CXCR6: variants seen among roughly 807,000 people sequenced by gnomAD.
CXCR6 encodes C-X-C motif chemokine receptor 6.
A neutral mutation model predicts 1.6 loss-of-function variants in CXCR6; 3 were observed. The ratio of observed to expected loss-of-function variants is 1.83; its 90% CI spans 0.83 to 4.72. The LOEUF (loss-of-function observed/expected upper bound fraction) is 4.72. Ranked by LOEUF, CXCR6 falls within the 30% of genes most tolerant of loss-of-function variation. The pLI is 0.02. For synonymous variants in CXCR6, 171 were observed against 159.2 expected (o/e 1.07, Z -0.56); for missense variants, 326 against 414.8 (o/e 0.79, Z 1.86).
Position 45,947,527 on chromosome 3 carries a change from G to C in CXCR6, c.*17G>C. On this transcript the variant is annotated 3_prime_UTR_variant, in exon 2 of 2. Coordinates refer to ENST00000304552, the MANE Select transcript of CXCR6 (RefSeq NM_006564.2). ...CAGTTATAGGCCTTGCCAGGGTTTC[G>C]AGAAGCTGCTCTGGAATTTGCAAGT... is the stretch of plus-strand genomic sequence containing the variant. 1 of 1,600,134 alleles carries C rather than the reference G, an allele frequency of 6.2e-7. No homozygotes were observed. Among genetic ancestry groups the C allele is most frequent in the South Asian group, 1.1e-5 (1 of 90,392 alleles).
chr3:45,947,782 G>T lies in CXCR6; in HGVS notation c.*272G>T, dbSNP rs753559060. 2 of 451,730 alleles carry T rather than the reference G, an allele frequency of 4.4e-6. No individual in the cohort carries two copies. Among genetic ancestry groups the T allele is most frequent in the Non-Finnish European group, 4.1e-6 (1 of 241,976 alleles). 28.0% of individuals were successfully genotyped at this position (451,730 alleles called of 1,614,324 possible). A position where few individuals can be genotyped will look rare whatever the true frequency, so the allele number is the denominator to read the frequency against. On this transcript the variant is annotated 3_prime_UTR_variant, in exon 2 of 2. Transcript: ENST00000304552. ...ATGCTGAAACCAAGGGGGATGACAT[G>T]TGACTCCTATGATCTCAGGTTCTCC...
Position 45,946,825 on chromosome 3 carries a change from C to A in CXCR6, c.344C>A (p.Thr115Lys). Residue 115 changes from threonine (T) to lysine (K), a missense_variant, in exon 2 of 2, where the codon ACG becomes AAG. Physicochemically the swap from Thr to Lys is moderately conservative, Grantham distance 78. Transcript: ENST00000304552. Reference protein sequence around the residue: ...LLGIYTINFYTSMLILTCITV... With the variant: ...LLGIYTINFYKSMLILTCITV... ...GGCATCTACACTATTAACTTCTACACGTCCATGCTCATCCTCACCTGCATC... is the reference window on the plus strand; with the variant it reads ...GGCATCTACACTATTAACTTCTACAAGTCCATGCTCATCCTCACCTGCATC... The A allele has an allele frequency of 6.2e-7, 1 of 1,614,200 alleles. No individual in the cohort carries two copies. Among genetic ancestry groups the A allele is most frequent in the Middle Eastern group, 1.6e-4 (1 of 6,062 alleles).
intron 1 of CXCR6, among the ~76,000 whole-genome samples, chr3:45,944,423 T>C (rs924146580): frequency 1.3e-5 from 2 of 152,224 alleles, no homozygotes; most frequent in Non-Finnish European, 2.9e-5. Flanking sequence ...TTTTCCAAAA[T>C]CAGTAAAAAT....
In CXCR6 at chr3:45,947,722, A is replaced by C. The variant is rs1006941198; in HGVS notation, c.*212A>C. ...CTGAAAGCCCAAGTAGGGGGTCTAAAATTTTTAAGGACTTTCCTTCCTCCA... is the reference window on the plus strand; with the variant it reads ...CTGAAAGCCCAAGTAGGGGGTCTAACATTTTTAAGGACTTTCCTTCCTCCA... On this transcript the variant is annotated 3_prime_UTR_variant, in exon 2 of 2. Coordinates refer to ENST00000304552, the MANE Select transcript of CXCR6 (RefSeq NM_006564.2). 3.6e-6 allele frequency: 2 copies of C among 558,696 alleles called. No individual in the cohort carries two copies. Among genetic ancestry groups the C allele is most frequent in the African/African-American group, 3.8e-5 (2 of 53,104 alleles). The allele number at this position is 558,696 out of a possible 1,614,324, so 34.6% of individuals were successfully genotyped here.
At chr3:45,943,315 G>C (rs1575342172), upstream of CXCR6, among the ~76,000 whole-genome samples, 1 of 152,292 alleles carries the variant, frequency 6.6e-6, no homozygotes, top group East Asian at 1.9e-4. Context: ...GGAGTGTGGG[G>C]TATCAGTCAC....
upstream of CXCR6, among the ~76,000 whole-genome samples, chr3:45,942,536 A>G (rs1226359629): frequency 2.6e-5 from 4 of 152,118 alleles, no homozygotes; most frequent in African/African-American, 9.7e-5. Flanking sequence ...CAGGCCAGGC[A>G]CCTCCACAAG....
chr3:45,942,280 C>T (rs1704275129), upstream of CXCR6, among the ~76,000 whole-genome samples: 1 of 152,228 alleles, frequency 6.6e-6, no homozygotes. Context: ...TCTCTCTAAT[C>T]TTCTGTTTGC....
intron 1 of CXCR6, among the ~76,000 whole-genome samples, chr3:45,943,939 A>G (rs1463268755): frequency 6.6e-6 from 1 of 152,232 alleles, no homozygotes; most frequent in Non-Finnish European, 1.5e-5. Context: ...TTCAATATAA[A>G]TCAACATACT....
chr3:45,947,046 A>G lies in CXCR6; in HGVS notation c.565A>G (p.Thr189Ala), dbSNP rs1704661744. ...ICGYHDEAISTVVLATQMTLG... is the reference protein window; with the variant it reads ...ICGYHDEAISAVVLATQMTLG... ...TGGTTACCATGACGAGGCAATTTCC[A>G]CTGTGGTTCTTGCCACCCAGATGAC... The change falls in exon 2 of 2, where the codon ACT (threonine) becomes GCT (alanine). Residue 189 changes from threonine to alanine, a missense_variant. Physicochemically the swap from Thr to Ala is moderately conservative, Grantham distance 58. Transcript: ENST00000304552. 4 of 1,613,992 alleles carry G rather than the reference A, an allele frequency of 2.5e-6. No homozygotes were observed. The South Asian group carries it at 4.4e-5, about 18-fold the overall frequency.
chr3:45,947,115 TCA>T lies in CXCR6; in HGVS notation c.635_636del (p.Ser212CysfsTer72), dbSNP rs1306109621. 17 of 1,614,118 alleles carry T rather than the reference TCA, an allele frequency of 1.1e-5. No homozygotes were observed. The highest frequency in any genetic ancestry group is 1.4e-5 in the Non-Finnish European group (16 of 1,180,042). On this transcript the variant is annotated frameshift_variant, in exon 2 of 2. Coordinates refer to ENST00000304552, the MANE Select transcript of CXCR6 (RefSeq NM_006564.2). LOFTEE classifies it low-confidence loss of function (END_TRUNC). ...LPLLTMIVCY[S>X]VIIKTLLHAG... ...ACTGCTCACCATGATTGTCTGCTAT[TCA>T]GTCATAATCAAAACACTGCTTCATG...
At chr3:45,945,870 A>G (rs1704560822) in intron 1 of CXCR6, 1 of 152,360 alleles carries the variant, frequency 6.6e-6, no homozygotes, top group Non-Finnish European at 1.5e-5. Flanking sequence ...GAGGGGAAGT[A>G]AAGGCAGGAA....
Position 45,947,192 on chromosome 3 carries a change from G to A in CXCR6, c.711G>A (p.Met237Ile), listed in dbSNP as rs755656707. ...HRSLKIIFLV[M>I]AVFLLTQMPF... ...CTCTAAAGATCATCTTCCTGGTGAT[G>A]GCTGTGTTCCTGCTGACCCAGATGC... Residue 237 changes from methionine (M) to isoleucine (I), a missense_variant, in exon 2 of 2, where the codon ATG becomes ATA. Physicochemically the swap from Met to Ile is conservative, Grantham distance 10 (BLOSUM62 1). Transcript: ENST00000304552. 6.2e-7 allele frequency: 1 copy of A among 1,614,176 alleles called. No individual in the cohort carries two copies. The highest frequency in any genetic ancestry group is 1.3e-5 in the African/African-American group (1 of 75,046).
rs748198143 is a variant in CXCR6, at chr3:45,947,247, A to G, written c.766A>G (p.Thr256Ala). The G allele has an allele frequency of 5.6e-6, 9 of 1,614,056 alleles. No homozygotes were observed. In the East Asian group the frequency reaches 2.0e-4, roughly 36 times the overall value. ...PFNLMKFIRS[T>A]HWEYYAMTSF... ...CAACCTCATGAAGTTCATCCGCAGCACACACTGGGAATACTATGCCATGAC... is the reference window on the plus strand; with the variant it reads ...CAACCTCATGAAGTTCATCCGCAGCGCACACTGGGAATACTATGCCATGAC... The change falls in exon 2 of 2, where the codon ACA (threonine) becomes GCA (alanine). Residue 256 changes from threonine (T) to alanine (A), a missense_variant. Physicochemically the swap from Thr to Ala is moderately conservative, Grantham distance 58. Transcript: ENST00000304552.
intron 1 of CXCR6, chr3:45,944,888 T>C (rs1324644927): frequency 2.0e-5 from 3 of 152,226 alleles, no homozygotes; most frequent in African/African-American, 7.2e-5. Flanking sequence ...TTTTTGCCCA[T>C]GTGAATCAAT....
upstream of CXCR6, among the ~76,000 whole-genome samples, chr3:45,943,026 G>A (rs1002363823): frequency 1.3e-5 from 2 of 152,154 alleles, no homozygotes; most frequent in South Asian, 2.1e-4. Flanking sequence ...ATAAAGGCAG[G>A]ATAATATCCA....
At chr3:45,944,432 A>G (rs1704451634) in intron 1 of CXCR6, among the ~76,000 whole-genome samples, 1 of 152,200 alleles carries the variant, frequency 6.6e-6, no homozygotes, top group Admixed American at 6.5e-5. Context: ...ATCAGTAAAA[A>G]TACTTCCTAA....
At chr3:45,940,972 C>T (rs1704194045), upstream of CXCR6, 1 of 152,214 alleles carries the variant, frequency 6.6e-6, no homozygotes, top group Non-Finnish European at 1.5e-5. Flanking sequence ...TGCTCTCCTG[C>T]TTATAGAACA....
upstream of CXCR6, among the ~76,000 whole-genome samples, chr3:45,942,705 G>C (rs537845648): frequency 1.3e-5 from 2 of 152,204 alleles, no homozygotes; most frequent in Non-Finnish European, 2.9e-5. Flanking sequence ...AGATCATGGA[G>C]ACTGACAACT....
Position 45,947,861 on chromosome 3 carries a change from T to C in CXCR6, c.*351T>C. 2 of 258,800 alleles carry C rather than the reference T, an allele frequency of 7.7e-6. No individual in the cohort carries two copies. The highest frequency in any genetic ancestry group is 1.4e-4 in the South Asian group (2 of 14,516). 16.0% of individuals were successfully genotyped at this position (258,800 alleles called of 1,614,324 possible). A position where few individuals can be genotyped will look rare whatever the true frequency, so the allele number is the denominator to read the frequency against. The stretch of plus-strand genomic sequence containing the variant: ...GAGGTGAGCACGGCCAACAAAGCTG[T>C]TGATGGTAGGTGGCACACTGGGTGC... On this transcript the variant is annotated 3_prime_UTR_variant, in exon 2 of 2. Transcript: ENST00000304552.
Sources: allele counts gnomAD v4.1 joint callset (sites outside exome capture counted in the v4.1 genomes callset), GRCh38; gene constraint gnomAD v4.1.1; transcripts MANE v1.5; gene names NCBI Gene and HGNC (gene_info 2026-07-23, HGNC 2026-07-21).